The following KLF8 variants were observed in gnomAD, a reference collection of about 807,000 sequenced individuals.
KLF8 encodes KLF transcription factor 8, also known as Krueppel-like factor 8.
KLF8 carries 10 observed loss-of-function variants against 18.2 expected under a neutral mutation model. The observed-to-expected ratio is 0.55, with a 90% CI of 0.34 to 0.93. The LOEUF (loss-of-function observed/expected upper bound fraction) is 0.93. Ranked by LOEUF, KLF8 falls within the 40% of genes least tolerant of loss-of-function variation. The pLI, the probability that KLF8 is intolerant of heterozygous loss-of-function variation, is 0.02. For synonymous variants in KLF8, 109 were observed against 97.3 expected (o/e 1.12, Z -0.71); for missense variants, 264 against 277.9 (o/e 0.95, Z 0.36).
At chrX:55,961,282 C>G in the KLF8 span, 1 of 371,662 alleles carries the variant, frequency 2.7e-6, no homozygotes, top group Non-Finnish European at 5.1e-6. Context: ...CCACCACAGC[C>G]TCTGCCAGAG....
the KLF8 span, among the ~76,000 whole-genome samples, chrX:56,176,280 T>C: frequency 8.9e-6 from 1 of 111,974 alleles, no homozygotes; most frequent in Admixed American, 9.5e-5. Context: ...CTTCAGGAGT[T>C]CTTTTAGGGC....
chrX:56,043,244 AT>A, the KLF8 span, among the ~76,000 whole-genome samples: 40 of 105,736 alleles, frequency 3.8e-4, no homozygotes, highest in Non-Finnish European at 4.9e-4. Flanking sequence ...TGCCCTTAAA[AT>A]TTTTTTTTTT....
the KLF8 span, among the ~76,000 whole-genome samples, chrX:56,064,397 A>G: frequency 9.2e-6 from 1 of 108,884 alleles, no homozygotes; most frequent in African/African-American, 3.3e-5. Context: ...TACTTTTACT[A>G]GATACGCATT....
the KLF8 span, among the ~76,000 whole-genome samples, chrX:55,991,458 G>T: frequency 8.9e-6 from 1 of 111,985 alleles, no homozygotes; most frequent in Non-Finnish European, 1.9e-5. Flanking sequence ...TCCTGGGTGA[G>T]GCGATGCCTC....
chrX:56,087,534 C>T, the KLF8 span, among the ~76,000 whole-genome samples: 4 of 110,675 alleles, frequency 3.6e-5, no homozygotes, highest in Non-Finnish European at 7.5e-5. Flanking sequence ...AGAATTCAAG[C>T]AGATGCCAGC....
At chrX:56,203,762 G>T in the KLF8 span, among the ~76,000 whole-genome samples, 109 of 111,463 alleles carry the variant, frequency 9.8e-4, no homozygotes, top group African/African-American at 3.5e-3. Context: ...TTCTGGGTTT[G>T]CTATTCTGTT....
chrX:56,166,095 T>A, the KLF8 span, among the ~76,000 whole-genome samples: 80 of 107,726 alleles, frequency 7.4e-4, no homozygotes, highest in African/African-American at 2.3e-3. Context: ...AAAAATAGCA[T>A]CTAGGTCTAC....
At chrX:55,929,773 A>G in the KLF8 span, among the ~76,000 whole-genome samples, 1 of 108,961 alleles carries the variant, frequency 9.2e-6, no homozygotes, top group Non-Finnish European at 1.9e-5. Flanking sequence ...TACTGTAGCC[A>G]TGTAGTGTAG....
At chrX:56,095,536 A>G in the KLF8 span, among the ~76,000 whole-genome samples, 1 of 112,365 alleles carries the variant, frequency 8.9e-6, no homozygotes, top group East Asian at 2.8e-4. Flanking sequence ...AATGGAAAAT[A>G]TATTTGCAAA....
At chrX:55,944,509 G>T in the KLF8 span, among the ~76,000 whole-genome samples, 1 of 111,133 alleles carries the variant, frequency 9.0e-6, no homozygotes, top group Admixed American at 9.6e-5. Flanking sequence ...CAATTTCAGA[G>T]CCTGTTATTG....
At chrX:56,175,583 G>C in the KLF8 span, among the ~76,000 whole-genome samples, 1 of 111,630 alleles carries the variant, frequency 9.0e-6, no homozygotes, top group Non-Finnish European at 1.9e-5. Flanking sequence ...GTTGATTTTG[G>C]GGTGGAGAGT....
Position 56,241,729 on chromosome X carries a change from C to T in KLF8, c.7+8388C>T, listed in dbSNP as rs191244961. 2.5e-3 allele frequency among the ~76,000 whole-genome samples: 280 copies of T among 112,044 alleles called. 1 individual carries two copies. The highest frequency in any genetic ancestry group is 4.6e-3 in the Middle Eastern group (1 of 217). ...GAAGCCTGATCTAGAATACAAGTCT[C>T]CCAGATCCTAGTTAAATGATTTTCC... On this transcript the variant is annotated intron_variant, in intron 1 of 5. Transcript: ENST00000468660.
the KLF8 span, among the ~76,000 whole-genome samples, chrX:56,165,732 A>G: frequency 9.0e-6 from 1 of 110,914 alleles, no homozygotes; most frequent in South Asian, 3.8e-4. Flanking sequence ...ATGTTTCTAC[A>G]TGCTGGTAGT....
the KLF8 span, among the ~76,000 whole-genome samples, chrX:56,033,309 T>C: frequency 8.9e-6 from 1 of 111,847 alleles, no homozygotes; most frequent in Non-Finnish European, 1.9e-5. Flanking sequence ...TCACTTAGCA[T>C]AATGTCCTCC....
the KLF8 span, among the ~76,000 whole-genome samples, chrX:56,139,265 C>G: frequency 1.8e-5 from 2 of 111,986 alleles, no homozygotes; most frequent in African/African-American, 3.2e-5. Context: ...TCCTATCAAA[C>G]TACCAACAAT....
chrX:56,057,392 C>T, the KLF8 span, among the ~76,000 whole-genome samples: 1 of 111,185 alleles, frequency 9.0e-6, no homozygotes, highest in Non-Finnish European at 1.9e-5. Context: ...AGGGTGCATG[C>T]ATAGAGGTGC....
chrX:55,990,729 T>A, the KLF8 span, among the ~76,000 whole-genome samples: 1 of 112,480 alleles, frequency 8.9e-6, no homozygotes, highest in Admixed American at 9.4e-5. Flanking sequence ...GTCAGGACCA[T>A]CAGCTGCTGG....
the KLF8 span, among the ~76,000 whole-genome samples, chrX:55,917,909 G>A: frequency 1.8e-5 from 2 of 111,944 alleles, no homozygotes; most frequent in Non-Finnish European, 3.8e-5. Flanking sequence ...CACACAGCTA[G>A]CATTTGTCGT....
the KLF8 span, among the ~76,000 whole-genome samples, chrX:55,938,760 G>T: frequency 2.7e-5 from 3 of 111,211 alleles, no homozygotes; most frequent in African/African-American, 9.8e-5. Context: ...AACCAACAAA[G>T]ATCAAAAGAG....
Sources: allele counts gnomAD v4.1 joint callset (sites outside exome capture counted in the v4.1 genomes callset), GRCh38; gene constraint gnomAD v4.1.1; transcripts MANE v1.5; gene names NCBI Gene and HGNC (gene_info 2026-07-23, HGNC 2026-07-21).